YES1: variants seen among roughly 807,000 people sequenced by gnomAD.
YES1 encodes YES proto-oncogene 1, Src family tyrosine kinase.
YES1 carries 39 observed loss-of-function variants against 70.4 expected under a neutral mutation model. That is an observed-to-expected ratio of 0.55 (90% CI 0.43 to 0.72). The LOEUF is 0.72. Ranked by LOEUF, YES1 falls within the 30% of genes least tolerant of loss-of-function variation. The pLI, the probability that YES1 is intolerant of heterozygous loss-of-function variation, is 0.00. For missense variants in YES1, 495 were observed against 644.8 expected (o/e 0.77, Z 2.52); for synonymous variants, 198 against 218.6 (o/e 0.91, Z 0.83).
chr18:782,501 T>C (rs1283589678), intron 1 of YES1, among the ~76,000 whole-genome samples: 1 of 152,170 alleles, frequency 6.6e-6, no homozygotes. Flanking sequence ...TAGGGCTCAC[T>C]ACTCCATCTA....
chr18:795,400 G>T (rs1906486394), intron 1 of YES1, among the ~76,000 whole-genome samples: 1 of 151,944 alleles, frequency 6.6e-6, no homozygotes, highest in East Asian at 1.9e-4. Context: ...CTGGGTGGAG[G>T]GTATCCAGTT....
chr18:796,509 C>T (rs950694023), intron 1 of YES1, among the ~76,000 whole-genome samples: 1 of 152,138 alleles, frequency 6.6e-6, no homozygotes, highest in Non-Finnish European at 1.5e-5. Context: ...GTGGCTCACG[C>T]TGGTAATCTC....
chr18:757,305 C>T (rs993240134), intron 1 of YES1, among the ~76,000 whole-genome samples: 4 of 150,932 alleles, frequency 2.7e-5, no homozygotes, highest in Non-Finnish European at 5.9e-5. Context: ...AGATTGAGAC[C>T]ATCCTGGCTA....
chr18:755,809 T>C (rs1271441149), intron 2 of YES1, among the ~76,000 whole-genome samples: 1 of 152,226 alleles, frequency 6.6e-6, no homozygotes, highest in African/African-American at 2.4e-5. Flanking sequence ...AAACTCACTC[T>C]ACCTTTTTAA....
rs1202824438 is a variant in YES1, at chr18:751,839, T to C, written c.272-35A>G. On this transcript the variant is annotated intron_variant, in intron 2 of 11. Transcript: ENST00000314574. Reference sequence around the variant, plus strand: ...GGAAAAAAGACCAAGGTAAATTATGTAGCTAACTTAACAAAACAGAAAAAA... The same window carrying C: ...GGAAAAAAGACCAAGGTAAATTATGCAGCTAACTTAACAAAACAGAAAAAA... 6.6e-6 allele frequency: 8 copies of C among 1,209,418 alleles called. No individual in the cohort carries two copies. The Admixed American group carries it at 8.2e-5, about 12-fold the overall frequency. The allele number at this position is 1,209,418 out of a possible 1,614,324, so 74.9% of individuals were successfully genotyped here.
At chr18:757,363 C>G (rs536304498) in intron 1 of YES1, among the ~76,000 whole-genome samples, 1 of 151,914 alleles carries the variant, frequency 6.6e-6, no homozygotes, top group East Asian at 1.9e-4. Flanking sequence ...ATTAGCCGGG[C>G]GTGGTGGTGG....
intron 11 of YES1, among the ~76,000 whole-genome samples, chr18:726,781 C>CAAAAAAAAAA (rs58322434): frequency 5.7e-4 from 27 of 47,250 alleles, no homozygotes; most frequent in South Asian, 1.5e-3. Context: ...ACTCTTGTCT[C>CAAAAAAAAAA]AAAAAAAAAA....
At chr18:733,948 A>G (rs2080121661) in intron 10 of YES1, among the ~76,000 whole-genome samples, 1 of 152,190 alleles carries the variant, frequency 6.6e-6, no homozygotes, top group Non-Finnish European at 1.5e-5. Context: ...ACAGATGATC[A>G]ATTTTCCTTG....
chr18:743,407 C>T lies in YES1; in HGVS notation c.733G>A (p.Asp245Asn). The change falls in exon 7 of 12, where the codon GAT (aspartate) becomes AAT (asparagine). Residue 245 changes from aspartate to asparagine, a missense_variant. This residue lies in a region of YES1 where 385 missense variants were observed against 540.9 expected (regional missense o/e 0.71). Coordinates refer to ENST00000314574, the MANE Select transcript of YES1 (RefSeq NM_005433.4). ...KLVKHYTEHA[D>N]GLCHKLTTVC... The stretch of plus-strand genomic sequence containing the variant: ...GTTGTCAACTTGTGGCATAAACCAT[C>T]AGCATGTTCTAGATAAATGAATAAA... The T allele has an allele frequency of 3.1e-6, 5 of 1,612,048 alleles. No homozygotes were observed. The highest frequency in any genetic ancestry group is 4.2e-6 in the Non-Finnish European group (5 of 1,179,348).
At chr18:754,943 C>A (rs2080386472) in intron 2 of YES1, among the ~76,000 whole-genome samples, 1 of 152,028 alleles carries the variant, frequency 6.6e-6, no homozygotes, top group Non-Finnish European at 1.5e-5. Flanking sequence ...ACCTGATACA[C>A]AGACACTGAG....
intron 8 of YES1, among the ~76,000 whole-genome samples, chr18:740,130 G>A (rs1420137326): frequency 6.6e-6 from 1 of 152,106 alleles, no homozygotes; most frequent in African/African-American, 2.4e-5. Flanking sequence ...ATATTTTTAA[G>A]TAAATCTGAA....
rs913656528 is a variant in YES1, at chr18:726,566, G to A, written c.1424-1934C>T. ...GAGGCTGAGTGGGCGGATCACCTGAGGTCAGGAGTTTGAGACCAGCCTGGC... is the reference window on the plus strand; with the variant it reads ...GAGGCTGAGTGGGCGGATCACCTGAAGTCAGGAGTTTGAGACCAGCCTGGC... On this transcript the variant is annotated intron_variant, in intron 11 of 11. Coordinates refer to ENST00000314574, the MANE Select transcript of YES1 (RefSeq NM_005433.4). Among the ~76,000 whole-genome samples, 12 of 151,896 alleles carry A rather than the reference G, an allele frequency of 7.9e-5. 1 individual carries two copies. Among genetic ancestry groups the A allele is most frequent in the Admixed American group, 2.0e-4 (3 of 15,240 alleles).
intron 1 of YES1, among the ~76,000 whole-genome samples, chr18:802,937 TAAA>T: frequency 6.6e-6 from 1 of 151,530 alleles, no homozygotes; most frequent in African/African-American, 2.4e-5. Flanking sequence ...AAAATAAAAA[TAAA>T]AAACAGGCTG....
In YES1 at chr18:809,586, C is replaced by G. The variant is rs147378126; in HGVS notation, c.-9+2528G>C. On this transcript the variant is annotated intron_variant, in intron 1 of 11. Coordinates refer to ENST00000314574, the MANE Select transcript of YES1 (RefSeq NM_005433.4). The stretch of plus-strand genomic sequence containing the variant: ...AAAGTGCTGGGATTACAGGTGTGAG[C>G]CACCGTGCCCAGCCTGACGTGTTCA... 4.2e-3 allele frequency among the ~76,000 whole-genome samples: 635 copies of G among 152,276 alleles called. 3 individuals carry two copies. Among genetic ancestry groups the G allele is most frequent in the African/African-American group, 0.015 (606 of 41,550 alleles).
chr18:743,103 GAAAT>G lies in YES1; in HGVS notation c.881-10_881-7del. 6.3e-7 allele frequency: 1 copy of G among 1,575,674 alleles called. No individual in the cohort carries two copies. The highest frequency in any genetic ancestry group is 2.2e-5 in the East Asian group (1 of 44,606). The stretch of plus-strand genomic sequence containing the variant: ...CGTGGTTCCATTCCATGTTCCTAAA[GAAAT>G]AACACATTTTAGGAATTTATATTTT... On this transcript the variant is annotated splice_polypyrimidine_tract_variant and splice_region_variant and intron_variant, in intron 7 of 11. Coordinates refer to ENST00000314574, the MANE Select transcript of YES1 (RefSeq NM_005433.4).
rs2079990980 is a variant in YES1 at position 724,207 on chromosome 18, T to A, written c.*217A>T. On this transcript the variant is annotated 3_prime_UTR_variant, in exon 12 of 12. Transcript: ENST00000314574. Reference sequence around the variant, plus strand: ...TCATCAGTATCTTAGCTCTATTTTGTTTGGACCCTGAAATACGCTGATAAA... The same window carrying A: ...TCATCAGTATCTTAGCTCTATTTTGATTGGACCCTGAAATACGCTGATAAA... 1.9e-6 allele frequency: 1 copy of A among 538,426 alleles called. No individual in the cohort carries two copies. Among genetic ancestry groups the A allele is most frequent in the Admixed American group, 3.1e-5 (1 of 31,962 alleles). 33.4% of individuals were successfully genotyped at this position (538,426 alleles called of 1,614,324 possible).
intron 1 of YES1, among the ~76,000 whole-genome samples, chr18:770,624 C>T (rs1366734618): frequency 6.6e-6 from 1 of 152,120 alleles, no homozygotes; most frequent in Non-Finnish European, 1.5e-5. Flanking sequence ...GATTCCCTGT[C>T]CCAGATCTAC....
intron 1 of YES1, among the ~76,000 whole-genome samples, chr18:811,766 G>A (rs1275059858): frequency 1.3e-5 from 2 of 152,140 alleles, no homozygotes; most frequent in African/African-American, 4.8e-5. Context: ...CGGCCGTAGG[G>A]GCAAAAATAA....
intron 1 of YES1, among the ~76,000 whole-genome samples, chr18:759,650 A>G (rs62088303): frequency 0.093 from 14,175 of 152,222 alleles, 827 homozygotes; most frequent in East Asian, 0.28. Context: ...ACATAGTACA[A>G]TAACTATTTA....
Sources: gnomAD v4.1 joint callset for allele counts (sites outside exome capture counted in the v4.1 genomes callset) on GRCh38, gnomAD v4.1.1 for gene constraint, gnomAD v4.1.1 regional missense constraint, MANE v1.5 for transcripts, NCBI Gene and HGNC (gene_info 2026-07-23, HGNC 2026-07-21) for gene names.